The following CFAP221 variants were observed in gnomAD, a reference collection of about 807,000 sequenced individuals.
CFAP221 encodes the protein cilia and flagella associated protein 221, also known as cilia- and flagella-associated protein 221.
A neutral mutation model predicts 113.1 loss-of-function variants in CFAP221; 97 were observed. The ratio of observed to expected loss-of-function variants is 0.86; its 90% CI spans 0.73 to 1.02. The LOEUF (loss-of-function observed/expected upper bound fraction) is 1.02. Ranked by LOEUF, CFAP221 falls within the 50% of genes least tolerant of loss-of-function variation. CFAP221 has a pLI of 0.00. For synonymous variants in CFAP221, 331 were observed against 354.4 expected, an observed-to-expected ratio of 0.93 and a Z score of 0.74; for missense variants, 1,025 against 1,013.4, an observed-to-expected ratio of 1.01 and a Z score of -0.16.
intron 14 of CFAP221, among the ~76,000 whole-genome samples, chr2:119,617,360 A>T (rs1289723436): frequency 5.3e-5 from 8 of 152,194 alleles, no homozygotes; most frequent in African/African-American, 1.9e-4. Flanking sequence ...AACAGAGTCC[A>T]CCATGACATG....
chr2:119,611,512 C>T (rs1183118186), intron 12 of CFAP221, 141 bp from the exon 13 acceptor site: 2 of 614,970 alleles, frequency 3.3e-6, no homozygotes, highest in Non-Finnish European at 5.7e-6. Context: ...ATCTTTTTTA[C>T]CCACTTGTGT....
At chr2:119,601,422 T>C in intron 8 of CFAP221, 45 bp downstream of exon 8, 1 of 1,433,790 alleles carries the variant, frequency 7.0e-7, no homozygotes, top group Non-Finnish European at 9.2e-7. Context: ...AACCCTTTTT[T>C]GAAAATCCAA....
At chr2:119,583,801 G>C (rs1038712851) in intron 6 of CFAP221, among the ~76,000 whole-genome samples, 2 of 152,194 alleles carry the variant, frequency 1.3e-5, no homozygotes, top group Non-Finnish European at 2.9e-5. Context: ...TTATAAAAGA[G>C]ATCTGGAGAG....
intron 21 of CFAP221, among the ~76,000 whole-genome samples, chr2:119,645,661 C>A (rs1312008250): frequency 6.6e-6 from 1 of 151,978 alleles, no homozygotes; most frequent in Non-Finnish European, 1.5e-5. Context: ...AGATAAGAAT[C>A]TTATCACAAA....
intron 12 of CFAP221, among the ~76,000 whole-genome samples, chr2:119,608,886 T>C (rs551423776): frequency 6.6e-6 from 1 of 152,306 alleles, no homozygotes; most frequent in African/African-American, 2.4e-5. Context: ...GGCATTCACA[T>C]GGAGGGAATG....
intron 14 of CFAP221, 125 bp from the exon 15 acceptor site, chr2:119,625,458 T>G: frequency 1.3e-6 from 1 of 791,860 alleles, no homozygotes. Context: ...CCACACTCCC[T>G]GTGGACTCTG....
chr2:119,547,511 A>G (rs1445663000), intron 2 of CFAP221, among the ~76,000 whole-genome samples: 1 of 152,194 alleles, frequency 6.6e-6, no homozygotes, highest in Non-Finnish European at 1.5e-5. Flanking sequence ...GTGAGCCAAG[A>G]TGGCGCCACT....
intron 22 of CFAP221, among the ~76,000 whole-genome samples, chr2:119,649,170 A>G (rs186288426): frequency 6.6e-6 from 1 of 152,284 alleles, no homozygotes; most frequent in East Asian, 1.9e-4. Flanking sequence ...AACTCCTGTC[A>G]CTTATCAAAA....
chr2:119,589,998 C>T (rs1314987371), intron 7 of CFAP221: 8 of 152,234 alleles, frequency 5.3e-5, no homozygotes, highest in East Asian at 1.9e-4. Flanking sequence ...TTATTAGCAT[C>T]GGAGATCAGG....
At chr2:119,598,795 C>A (rs1684172043) in intron 7 of CFAP221, among the ~76,000 whole-genome samples, 1 of 152,210 alleles carries the variant, frequency 6.6e-6, no homozygotes, top group African/African-American at 2.4e-5. Flanking sequence ...CTAGACTACA[C>A]CTTCACAGTG....
At position 119,607,235 on chromosome 2, in the gene CFAP221, C is replaced by T. The variant is rs535560044; in HGVS notation, c.1134-1267C>T. On this transcript the variant is annotated intron_variant, in intron 11 of 23. Coordinates refer to ENST00000413369, the MANE Select transcript of CFAP221 (RefSeq NM_001271049.2). ...CTCGAACTCCTGACCTCAAGCAATC[C>T]ACTAGCCCTGGCCTCCAAAGTGCTG... Among the ~76,000 whole-genome samples the T allele has an allele frequency of 5.9e-5, 9 of 152,284 alleles. No homozygotes were observed. The South Asian group carries it at 1.5e-3, about 25-fold the overall frequency.
At chr2:119,620,920 TAAA>T (rs1371933684) in intron 14 of CFAP221, among the ~76,000 whole-genome samples, 1 of 140,376 alleles carries the variant, frequency 7.1e-6, no homozygotes, top group Non-Finnish European at 1.6e-5. Context: ...AATGGAAAGT[TAAA>T]AAAAAAAAAA....
intron 3 of CFAP221, among the ~76,000 whole-genome samples, chr2:119,555,776 C>A (rs967446603): frequency 3.3e-5 from 5 of 152,184 alleles, no homozygotes; most frequent in African/African-American, 1.2e-4. Context: ...TACCAGGTCA[C>A]TGTGTCTTCA....
In CFAP221 at chr2:119,576,452, G is replaced by T. The variant is rs376031116; in HGVS notation, c.528-10667G>T. On this transcript the variant is annotated intron_variant, in intron 6 of 23. Coordinates refer to ENST00000413369, the MANE Select transcript of CFAP221 (RefSeq NM_001271049.2). ...TCTCACTTACAAGTGAAAACATGCG[G>T]TATTTGGTTTTCTGTTTCTGCATTA... Among the ~76,000 whole-genome samples the T allele has an allele frequency of 4.2e-4, 64 of 152,192 alleles. 2 individuals are homozygous for T. In the South Asian group the frequency reaches 0.013, roughly 31 times the overall value.
chr2:119,617,180 C>T (rs1198813179), intron 14 of CFAP221, among the ~76,000 whole-genome samples: 20 of 152,208 alleles, frequency 1.3e-4, no homozygotes, highest in Admixed American at 1.3e-3. Flanking sequence ...AGGCAGTCTT[C>T]TCAGCCTGGA....
intron 6 of CFAP221, among the ~76,000 whole-genome samples, chr2:119,565,174 C>A (rs1681532212): frequency 6.6e-6 from 1 of 152,192 alleles, no homozygotes; most frequent in Admixed American, 6.5e-5. Context: ...TTCCCACTCA[C>A]CAACCCTTCC....
intron 23 of CFAP221, among the ~76,000 whole-genome samples, chr2:119,654,368 A>G (rs941762323): frequency 1.3e-5 from 2 of 152,150 alleles, no homozygotes; most frequent in Admixed American, 6.5e-5. Context: ...TTTTGCTTCA[A>G]GTTTCAAAAA....
rs1476554100 is a variant in CFAP221 at position 119,601,513 on chromosome 2, A to G, written c.791+136A>G. On this transcript the variant is annotated intron_variant, in intron 8 of 23. Transcript: ENST00000413369. The stretch of plus-strand genomic sequence containing the variant: ...TTAAAATGATGAGCCAACATAAGAT[A>G]TACTGTAAAACATAACAGAAATATA... 10 of 803,798 alleles carry G rather than the reference A, an allele frequency of 1.2e-5. No homozygotes were observed. In the East Asian group the frequency reaches 2.5e-4, roughly 20 times the overall value. The allele number at this position is 803,798 out of a possible 1,614,324, so 49.8% of individuals were successfully genotyped here.
intron 19 of CFAP221, among the ~76,000 whole-genome samples, chr2:119,635,820 G>T (rs1345086255): frequency 6.6e-6 from 1 of 152,180 alleles, no homozygotes; most frequent in African/African-American, 2.4e-5. Context: ...CTGGAGGAGG[G>T]AGGGTAAAGG....
Sources: allele counts gnomAD v4.1 joint callset (sites outside exome capture counted in the v4.1 genomes callset), GRCh38; gene constraint gnomAD v4.1.1; transcripts MANE v1.5; gene names NCBI Gene and HGNC (gene_info 2026-07-23, HGNC 2026-07-21).